Variants in LRP1B observed in about 807,000 individuals in gnomAD.
LRP1B encodes the protein low-density lipoprotein receptor-related protein 1B.
Under a neutral mutation model 556.6 loss-of-function variants are expected in LRP1B, and 217 were observed. The ratio of observed to expected loss-of-function variants is 0.39; its 90% CI spans 0.35 to 0.44. The LOEUF is 0.44. Ranked by LOEUF, LRP1B falls within the 20% of genes least tolerant of loss-of-function variation. The pLI, the probability that LRP1B is intolerant of heterozygous loss-of-function variation, is 1.00. For missense variants in LRP1B, 5,053 were observed against 5,620.8 expected (o/e 0.90, Z 3.23); for synonymous variants, 2,047 against 1,865.8 (o/e 1.10, Z -2.50).
At chr2:141,712,872 G>A (rs1371149727) in intron 2 of LRP1B, among the ~76,000 whole-genome samples, 19 of 127,798 alleles carry the variant, frequency 1.5e-4, no homozygotes, top group African/African-American at 5.5e-4. Context: ...TAGAGATGGG[G>A]TGTCACCATG....
intron 43 of LRP1B, among the ~76,000 whole-genome samples, chr2:140,579,279 T>C (rs530176726): frequency 6.6e-6 from 1 of 152,286 alleles, no homozygotes; most frequent in South Asian, 2.1e-4. Context: ...ACTGTACTCC[T>C]CACATATTAT....
intron 66 of LRP1B, among the ~76,000 whole-genome samples, chr2:140,426,796 G>A (rs1685676194): frequency 6.6e-6 from 1 of 152,202 alleles, no homozygotes; most frequent in Non-Finnish European, 1.5e-5. Flanking sequence ...ACATGGACGT[G>A]CATGAAATTT....
chr2:140,950,420 C>T lies in LRP1B; in HGVS notation c.2969-18G>A, dbSNP rs2105300353. 1 of 1,578,446 alleles carries T rather than the reference C, an allele frequency of 6.3e-7. No individual in the cohort carries two copies. The highest frequency in any genetic ancestry group is 8.6e-7 in the Non-Finnish European group (1 of 1,164,286). Reference sequence around the variant, plus strand: ...GTCGTCATCTGGAAAGAAACATCAACATGAGGCAGTGAAATCTGAACCATG... The same window carrying T: ...GTCGTCATCTGGAAAGAAACATCAATATGAGGCAGTGAAATCTGAACCATG... On this transcript the variant is annotated intron_variant, in intron 19 of 90. Coordinates refer to ENST00000389484, the MANE Select transcript of LRP1B (RefSeq NM_018557.3).
intron 1 of LRP1B, among the ~76,000 whole-genome samples, chr2:141,933,583 G>A (rs1420403969): frequency 1.3e-5 from 2 of 152,100 alleles, no homozygotes; most frequent in African/African-American, 2.4e-5. Flanking sequence ...CAATTGCAAG[G>A]AAACTGAGAA....
chr2:140,666,458 A>G (rs1020599930), intron 41 of LRP1B, among the ~76,000 whole-genome samples: 2 of 152,130 alleles, frequency 1.3e-5, no homozygotes, highest in Non-Finnish European at 2.9e-5. Flanking sequence ...TAGTTCACTT[A>G]TAAGCCAAAG....
intron 62 of LRP1B, among the ~76,000 whole-genome samples, chr2:140,454,915 T>C (rs1687035385): frequency 6.6e-6 from 1 of 152,172 alleles, no homozygotes; most frequent in Non-Finnish European, 1.5e-5. Flanking sequence ...ATCGCCACTG[T>C]AGTGACTCAG....
chr2:141,376,428 C>T (rs182488480), intron 3 of LRP1B, among the ~76,000 whole-genome samples: 16 of 152,302 alleles, frequency 1.1e-4, no homozygotes, highest in African/African-American at 3.8e-4. Flanking sequence ...CCTCTCCTTA[C>T]TTCTGGTGCT....
chr2:141,023,443 G>A (rs1698124169), intron 11 of LRP1B, among the ~76,000 whole-genome samples: 1 of 151,828 alleles, frequency 6.6e-6, no homozygotes, highest in South Asian at 2.1e-4. Flanking sequence ...TAATGATGTG[G>A]ATTTAAAAAG....
intron 7 of LRP1B, among the ~76,000 whole-genome samples, chr2:141,111,517 G>T (rs116902186): frequency 1.3e-5 from 2 of 152,274 alleles, no homozygotes; most frequent in East Asian, 3.9e-4. Flanking sequence ...CCTGTGTTTT[G>T]TGCACTTAAG....
At chr2:140,523,760 A>C (rs1261075817) in intron 49 of LRP1B, among the ~76,000 whole-genome samples, 1 of 151,810 alleles carries the variant, frequency 6.6e-6, no homozygotes, top group Non-Finnish European at 1.5e-5. Flanking sequence ...GCACAATCCC[A>C]CTTACCATAC....
intron 2 of LRP1B, among the ~76,000 whole-genome samples, chr2:141,571,791 T>A (rs903569606): frequency 6.6e-6 from 1 of 151,690 alleles, no homozygotes; most frequent in African/African-American, 2.4e-5. Context: ...TATACACAGG[T>A]ATCAACAGCC....
In LRP1B at chr2:141,281,694, G is replaced by C. The variant is rs944747848; in HGVS notation, c.344-27053C>G. ...TATTCTGCTCACATTAATATTCTAT[G>C]CCATAACACAACAATAAAGAGATAT... On this transcript the variant is annotated intron_variant, in intron 3 of 90. Transcript: ENST00000389484. Among the ~76,000 whole-genome samples, 5 of 151,824 alleles carry C rather than the reference G, an allele frequency of 3.3e-5. No individual in the cohort carries two copies. The South Asian group carries it at 1.0e-3, about 32-fold the overall frequency.
chr2:141,126,853 A>C (rs1558878964), intron 7 of LRP1B, among the ~76,000 whole-genome samples: 1 of 151,342 alleles, frequency 6.6e-6, no homozygotes, highest in East Asian at 1.9e-4. Context: ...ATGATGATTA[A>C]TTCATTTTTC....
At chr2:141,128,086 T>G (rs1184494080) in intron 7 of LRP1B, among the ~76,000 whole-genome samples, 3 of 152,148 alleles carry the variant, frequency 2.0e-5, no homozygotes, top group African/African-American at 4.8e-5. Flanking sequence ...GCTCAAGAGA[T>G]CCTCCTGCCT....
chr2:141,921,522 A>T (rs1008327249), intron 1 of LRP1B, among the ~76,000 whole-genome samples: 1 of 151,932 alleles, frequency 6.6e-6, no homozygotes, highest in Non-Finnish European at 1.5e-5. Flanking sequence ...ATCTCTATGG[A>T]ATGTTCTACT....
At chr2:140,911,560 A>G (rs1198659544) in intron 21 of LRP1B, among the ~76,000 whole-genome samples, 2 of 151,802 alleles carry the variant, frequency 1.3e-5, no homozygotes, top group African/African-American at 2.4e-5. Flanking sequence ...ACCCTTTCCT[A>G]AGGGCTTTCA....
intron 3 of LRP1B, among the ~76,000 whole-genome samples, chr2:141,347,949 A>C (rs1688312184): frequency 6.6e-6 from 1 of 152,100 alleles, no homozygotes; most frequent in Admixed American, 6.6e-5. Flanking sequence ...TTCTTGAGAA[A>C]GTGACATAGC....
rs143877274 is a variant in LRP1B, at chr2:141,115,935, A to G, written c.1014-53662T>C. Among the ~76,000 whole-genome samples, 9 of 152,326 alleles carry G rather than the reference A, an allele frequency of 5.9e-5. No homozygotes were observed. In the East Asian group the frequency reaches 1.7e-3, roughly 29 times the overall value. On this transcript the variant is annotated intron_variant, in intron 7 of 90. Transcript: ENST00000389484. ...CCTAAAACAACATGAAAGCATCGTAAGAGAATGATTAAATAGAATGTATAT... is the reference window on the plus strand; with the variant it reads ...CCTAAAACAACATGAAAGCATCGTAGGAGAATGATTAAATAGAATGTATAT...
chr2:141,997,415 ATG>A (rs138233497), intron 1 of LRP1B, among the ~76,000 whole-genome samples: 1,739 of 138,314 alleles, frequency 0.013, 30 homozygotes, highest in African/African-American at 0.036. Flanking sequence ...AAATGTATAT[ATG>A]TGTGTGTGTG....
Sources: allele counts gnomAD v4.1 joint callset (sites outside exome capture counted in the v4.1 genomes callset), GRCh38; gene constraint gnomAD v4.1.1; transcripts MANE v1.5; gene names NCBI Gene and HGNC (gene_info 2026-07-23, HGNC 2026-07-21).